KIZ: variants seen among roughly 807,000 people sequenced by gnomAD.
KIZ encodes centrosomal protein kizuna.
Under a neutral mutation model 79.6 loss-of-function variants are expected in KIZ, and 68 were observed. The ratio of observed to expected loss-of-function variants is 0.85; its 90% CI spans 0.70 to 1.05. The LOEUF (loss-of-function observed/expected upper bound fraction) is 1.05, where lower values mean the gene tolerates loss of function less well. Among genes scored for constraint, KIZ ranks in the 50% least tolerant of loss-of-function variants. KIZ has a pLI of 0.00. For synonymous variants in KIZ, 280 were observed against 281.8 expected (o/e 0.99, Z 0.06); for missense variants, 797 against 800.4 (o/e 1.00, Z 0.05).
chr20:21,208,499 C>T (rs529079430), intron 7 of KIZ, among the ~76,000 whole-genome samples: 7 of 152,082 alleles, frequency 4.6e-5, no homozygotes, highest in African/African-American at 1.7e-4. Flanking sequence ...GTCAGGAGAT[C>T]GAGACCATCT....
At chr20:21,187,272 G>A (rs779151950) in intron 6 of KIZ, among the ~76,000 whole-genome samples, 6 of 152,120 alleles carry the variant, frequency 3.9e-5, no homozygotes, top group Non-Finnish European at 7.4e-5. Context: ...CCATGCTCAG[G>A]GAGCAGGAGG....
intron 6 of KIZ, among the ~76,000 whole-genome samples, chr20:21,193,178 A>G (rs1289918140): frequency 6.6e-6 from 1 of 152,112 alleles, no homozygotes; most frequent in Non-Finnish European, 1.5e-5. Flanking sequence ...ATTTGTTACT[A>G]TTTATGATCA....
intron 10 of KIZ, among the ~76,000 whole-genome samples, chr20:21,230,650 C>T (rs1053240398): frequency 1.3e-5 from 2 of 152,104 alleles, no homozygotes; most frequent in African/African-American, 2.4e-5. Context: ...ACATTAAGTG[C>T]CCAGCACAGT....
At chr20:21,157,653 C>T (rs938052059) in intron 4 of KIZ, among the ~76,000 whole-genome samples, 1 of 152,136 alleles carries the variant, frequency 6.6e-6, no homozygotes, top group African/African-American at 2.4e-5. Flanking sequence ...ATTCGTTGTT[C>T]AGTTTTGCCT....
chr20:21,216,715 G>T (rs556870716), intron 9 of KIZ, among the ~76,000 whole-genome samples: 2 of 152,258 alleles, frequency 1.3e-5, no homozygotes, highest in South Asian at 2.1e-4. Context: ...AGATAACCAT[G>T]AAGTCATTTG....
chr20:21,200,419 C>A (rs1165453300), intron 6 of KIZ, among the ~76,000 whole-genome samples: 1 of 151,890 alleles, frequency 6.6e-6, no homozygotes, highest in East Asian at 1.9e-4. Context: ...ATTATTATTA[C>A]ATTTTAATGT....
At chr20:21,203,218 T>C (rs1394011767) in intron 6 of KIZ, among the ~76,000 whole-genome samples, 4 of 152,166 alleles carry the variant, frequency 2.6e-5, no homozygotes, top group Non-Finnish European at 5.9e-5. Flanking sequence ...CCTCCCTCCT[T>C]TTTTTATGCT....
chr20:21,227,383 C>T (rs1014312229), intron 9 of KIZ, among the ~76,000 whole-genome samples: 19 of 152,128 alleles, frequency 1.2e-4, no homozygotes, highest in African/African-American at 4.3e-4. Flanking sequence ...CTTTGTTTAT[C>T]AAGAAGCTGC....
At chr20:21,148,371 C>A (rs916267494) in intron 4 of KIZ, among the ~76,000 whole-genome samples, 7 of 152,098 alleles carry the variant, frequency 4.6e-5, no homozygotes, top group African/African-American at 1.7e-4. Flanking sequence ...TGGTGTAGGA[C>A]ATCTATTATT....
At chr20:21,236,990 T>C (rs1411338513) in intron 11 of KIZ, among the ~76,000 whole-genome samples, 1 of 140,736 alleles carries the variant, frequency 7.1e-6, no homozygotes, top group African/African-American at 2.7e-5. Flanking sequence ...GGAGCAAGAC[T>C]CTGTTTAAAA....
intron 9 of KIZ, among the ~76,000 whole-genome samples, chr20:21,226,524 AG>A (rs376200957): frequency 6.6e-6 from 1 of 152,056 alleles, no homozygotes; most frequent in African/African-American, 2.4e-5. Context: ...CTGACTAAAT[AG>A]GGGGGTGATG....
At chr20:21,199,579 A>C (rs2035503672) in intron 6 of KIZ, among the ~76,000 whole-genome samples, 1 of 152,202 alleles carries the variant, frequency 6.6e-6, no homozygotes, top group African/African-American at 2.4e-5. Flanking sequence ...GTCTTTAAAC[A>C]CAGATTCTTC....
At chr20:21,126,072 A>AT, upstream of KIZ, 2 of 1,404,374 alleles carry the variant, frequency 1.4e-6, no homozygotes, top group East Asian at 6.3e-5. Flanking sequence ...CCCCGGCCGA[A>AT]CGGCCACCCA....
chr20:21,157,341 T>C (rs2033433506), intron 4 of KIZ, among the ~76,000 whole-genome samples: 1 of 152,158 alleles, frequency 6.6e-6, no homozygotes, highest in Non-Finnish European at 1.5e-5. Context: ...TAACATGCCA[T>C]GTACTTATTA....
intron 6 of KIZ, chr20:21,202,209 T>C (rs528059523): frequency 1.3e-5 from 2 of 152,346 alleles, no homozygotes; most frequent in Non-Finnish European, 2.9e-5. Flanking sequence ...GGGACTGTTC[T>C]TTGATAATTT....
intron 6 of KIZ, among the ~76,000 whole-genome samples, chr20:21,167,975 G>T (rs900390228): frequency 6.6e-6 from 1 of 151,976 alleles, no homozygotes; most frequent in Non-Finnish European, 1.5e-5. Context: ...CAACATGCAG[G>T]TTAGTTACAT....
intron 9 of KIZ, among the ~76,000 whole-genome samples, chr20:21,227,773 T>TA (rs1365494223): frequency 6.6e-6 from 1 of 152,162 alleles, no homozygotes; most frequent in East Asian, 1.9e-4. Flanking sequence ...CCCCCACACA[T>TA]ACACACATTA....
chr20:21,205,958 A>G (rs1430999808), intron 7 of KIZ, among the ~76,000 whole-genome samples: 1 of 152,114 alleles, frequency 6.6e-6, no homozygotes, highest in Non-Finnish European at 1.5e-5. Flanking sequence ...TCAAAAAAAA[A>G]AAAAGTCTCA....
intron 6 of KIZ, among the ~76,000 whole-genome samples, chr20:21,188,216 AAGACTCCCCATTTC>A (rs777340621): frequency 1.3e-5 from 2 of 152,186 alleles, no homozygotes; most frequent in Non-Finnish European, 2.9e-5. Context: ...TGTGAGTCGT[AAGACTCCCCATTTC>A]AGAAAGGGTC....
Sources: gnomAD v4.1 joint callset for allele counts (sites outside exome capture counted in the v4.1 genomes callset) on GRCh38, gnomAD v4.1.1 for gene constraint, MANE v1.5 for transcripts, NCBI Gene and HGNC (gene_info 2026-07-23, HGNC 2026-07-21) for gene names.